TAF2: variants seen among roughly 807,000 people sequenced by gnomAD.
TAF2 encodes TATA-box binding protein associated factor 2, also known as transcription initiation factor TFIID subunit 2.
In TAF2, 61 loss-of-function variants were observed where a neutral mutation model predicts 138.5. The observed-to-expected ratio is 0.44, with a 90% CI of 0.36 to 0.54. The LOEUF (loss-of-function observed/expected upper bound fraction) is 0.54. Ranked by LOEUF, TAF2 falls within the 20% of genes least tolerant of loss-of-function variation. The pLI, the probability that TAF2 is intolerant of heterozygous loss-of-function variation, is 0.00. For synonymous variants in TAF2, 475 were observed against 469.9 expected (o/e 1.01, Z -0.14); for missense variants, 1,090 against 1,427.9 (o/e 0.76, Z 3.81).
intron 11 of TAF2, among the ~76,000 whole-genome samples, chr8:119,790,103 T>C (rs1823314927): frequency 6.6e-6 from 1 of 152,118 alleles, no homozygotes; most frequent in Admixed American, 6.5e-5. Flanking sequence ...AAAGCTTGAG[T>C]GGCTCTTTAT....
intron 18 of TAF2, among the ~76,000 whole-genome samples, chr8:119,768,783 A>G (rs1241575910): frequency 6.6e-6 from 1 of 152,190 alleles, no homozygotes; most frequent in Non-Finnish European, 1.5e-5. Flanking sequence ...AATCAGCAGC[A>G]TTACCACATT....
intron 3 of TAF2, among the ~76,000 whole-genome samples, chr8:119,813,601 A>G (rs1198745547): frequency 6.6e-6 from 1 of 152,258 alleles, no homozygotes; most frequent in African/African-American, 2.4e-5. Context: ...GAGATTATCC[A>G]GAGAAGGACA....
At chr8:119,796,121 C>T (rs1823809207) in intron 8 of TAF2, among the ~76,000 whole-genome samples, 1 of 151,820 alleles carries the variant, frequency 6.6e-6, no homozygotes, top group Non-Finnish European at 1.5e-5. Flanking sequence ...ATTAACATCA[C>T]TCACTCATTT....
intron 2 of TAF2, among the ~76,000 whole-genome samples, chr8:119,825,685 T>C (rs1826050266): frequency 6.6e-6 from 1 of 151,966 alleles, no homozygotes; most frequent in Non-Finnish European, 1.5e-5. Flanking sequence ...GTTTTTTTGT[T>C]TGTTTGTTTG....
At chr8:119,806,918 T>C (rs1162818313) in intron 3 of TAF2, among the ~76,000 whole-genome samples, 5 of 152,230 alleles carry the variant, frequency 3.3e-5, no homozygotes, top group African/African-American at 4.8e-5. Flanking sequence ...ACAGAATATA[T>C]ATTCTACTCA....
chr8:119,831,555 C>A (rs1826446302), intron 2 of TAF2, 122 bp downstream of exon 2: 5 of 680,048 alleles, frequency 7.4e-6, no homozygotes, highest in South Asian at 6.6e-5. Context: ...AATTTTAATT[C>A]TTACCTATTC....
At chr8:119,772,867 G>A (rs1821944470) in intron 18 of TAF2, among the ~76,000 whole-genome samples, 1 of 151,322 alleles carries the variant, frequency 6.6e-6, no homozygotes, top group Non-Finnish European at 1.5e-5. Flanking sequence ...AACCCAGGAG[G>A]TGGAGGTTGC....
chr8:119,783,750 A>G (rs2131143559), intron 15 of TAF2, 117 bp from the exon 16 acceptor site: 2 of 1,260,752 alleles, frequency 1.6e-6, no homozygotes, highest in Non-Finnish European at 2.2e-6. Context: ...AGTATTCAAG[A>G]CTGCCTGGAG....
Position 119,799,131 on chromosome 8 carries a change from TCAAA to T in TAF2, c.793-1289_793-1286del, listed in dbSNP as rs1197858477. Among the ~76,000 whole-genome samples the T allele has an allele frequency of 1.4e-5, 2 of 147,056 alleles. 1 individual carries two copies. Among genetic ancestry groups the T allele is most frequent in the East Asian group, 3.9e-4 (2 of 5,182 alleles). On this transcript the variant is annotated intron_variant, in intron 6 of 25. Transcript: ENST00000378164. ...TTCTTAAATACAAAATCGGTACTAA[TCAAA>T]CATTGATTTTTTAAAATTTTTTTAT...
At chr8:119,807,476 G>A (rs1229896218) in intron 3 of TAF2, among the ~76,000 whole-genome samples, 5 of 152,140 alleles carry the variant, frequency 3.3e-5, no homozygotes, top group African/African-American at 9.7e-5. Flanking sequence ...AAAAAGATAC[G>A]GAATGGGAAG....
At chr8:119,783,286 A>G (rs1318768023) in intron 16 of TAF2, 95 bp downstream of exon 16, 2 of 1,460,168 alleles carry the variant, frequency 1.4e-6, no homozygotes, top group East Asian at 2.3e-5. Context: ...ATCAGCTACC[A>G]AGTAAATTTA....
chr8:119,746,568 G>A, intron 23 of TAF2, 137 bp downstream of exon 23: 1 of 909,864 alleles, frequency 1.1e-6, no homozygotes, highest in African/African-American at 1.7e-5. Flanking sequence ...CTAATCAAAT[G>A]TCAGCCAGCA....
At position 119,756,120 on chromosome 8, in the gene TAF2, A is replaced by G. The variant is rs769173763; in HGVS notation, c.2769-5T>C. The G allele has an allele frequency of 1.1e-5, 17 of 1,610,712 alleles. No individual in the cohort carries two copies. The highest frequency in any genetic ancestry group is 1.7e-5 in the Admixed American group (1 of 59,988). On this transcript the variant is annotated splice_polypyrimidine_tract_variant and splice_region_variant and intron_variant, in intron 21 of 25. Transcript: ENST00000378164. ...AACATGTTGAGAATCTTATGCCTGA[A>G]AGATTAAAAAAAATTAAATTTTTGC...
intron 2 of TAF2, among the ~76,000 whole-genome samples, chr8:119,821,158 C>A (rs1169530313): frequency 6.6e-6 from 1 of 152,220 alleles, no homozygotes; most frequent in Non-Finnish European, 1.5e-5. Context: ...CTTGTACCAT[C>A]AGGCCTCTGC....
intron 2 of TAF2, among the ~76,000 whole-genome samples, chr8:119,822,152 T>C (rs1268993388): frequency 1.3e-5 from 2 of 152,128 alleles, no homozygotes; most frequent in African/African-American, 2.4e-5. Context: ...AGGTACATCA[T>C]CCTTTATGCT....
intron 18 of TAF2, among the ~76,000 whole-genome samples, chr8:119,769,358 A>T (rs2131087279): frequency 6.6e-6 from 1 of 152,278 alleles, no homozygotes; most frequent in African/African-American, 2.4e-5. Flanking sequence ...CAGAAGTGAC[A>T]ACAGCTACAG....
chr8:119,792,396 C>T (rs1823499419), intron 10 of TAF2, among the ~76,000 whole-genome samples: 1 of 152,118 alleles, frequency 6.6e-6, no homozygotes, highest in Non-Finnish European at 1.5e-5. Context: ...TGGTGATCCA[C>T]CTGCCCAGCG....
At chr8:119,778,153 T>C (rs1437155628) in intron 17 of TAF2, 24 bp from the exon 18 acceptor site, 2 of 1,449,740 alleles carry the variant, frequency 1.4e-6, no homozygotes, top group East Asian at 2.3e-5. Flanking sequence ...AAAAGAACTT[T>C]TAAAAGCACA....
intron 25 of TAF2, among the ~76,000 whole-genome samples, chr8:119,742,209 CAAAG>C (rs1273535682): frequency 3.9e-5 from 6 of 152,058 alleles, no homozygotes; most frequent in Non-Finnish European, 7.4e-5. Flanking sequence ...AAAAGCATGG[CAAAG>C]AAAGAGCAAA....
Sources: gnomAD v4.1 joint callset for allele counts (sites outside exome capture counted in the v4.1 genomes callset) on GRCh38, gnomAD v4.1.1 for gene constraint, MANE v1.5 for transcripts, NCBI Gene and HGNC (gene_info 2026-07-23, HGNC 2026-07-21) for gene names.